PCDHGB1: variants seen among roughly 807,000 people sequenced by gnomAD.
PCDHGB1 encodes protocadherin gamma-B1.
A neutral mutation model predicts 56.6 loss-of-function variants in PCDHGB1; 34 were observed. That is an observed-to-expected ratio of 0.60 (90% CI 0.46 to 0.80). The LOEUF is 0.80. Among genes scored for constraint, PCDHGB1 ranks in the 30% least tolerant of loss-of-function variants. The pLI is 0.00. For synonymous variants in PCDHGB1, 561 were observed against 505.9 expected (o/e 1.11, Z -1.46); for missense variants, 1,278 against 1,204.6 (o/e 1.06, Z -0.90).
Position 141,431,336 on chromosome 5 carries a change from G to C in PCDHGB1, c.2410-63471G>C, listed in dbSNP as rs1187672228. ...TGGAGCCGACGGTAGTAAGTACCCC[G>C]AATTGGTGCTGAAACGCGCCCTGGA... On this transcript the variant is annotated intron_variant, in intron 1 of 3. Transcript: ENST00000523390. The surrounding 1 kb of genome is among the most constrained non-coding windows in gnomAD (Gnocchi z 4.8). 2.5e-6 allele frequency: 4 copies of C among 1,613,956 alleles called. No individual in the cohort carries two copies. The East Asian group carries it at 6.7e-5, about 27-fold the overall frequency.
chr5:141,422,165 A>G (rs771382434), intron 1 of PCDHGB1: 3 of 1,569,306 alleles, frequency 1.9e-6, no homozygotes, highest in Admixed American at 4.0e-5. Flanking sequence ...TTTGAAAAAT[A>G]TAGATTCTAT....
At chr5:141,427,812 G>C (rs1380721111) in intron 1 of PCDHGB1, 1 of 1,524,406 alleles carries the variant, frequency 6.6e-7, no homozygotes, top group Non-Finnish European at 9.0e-7. Flanking sequence ...CGCACAGAGC[G>C]GGGTGGTGGT....
intron 1 of PCDHGB1, chr5:141,372,058 G>A (rs769464516): frequency 6.2e-7 from 1 of 1,613,554 alleles, no homozygotes; most frequent in South Asian, 1.1e-5. Flanking sequence ...GTGGACGACC[G>A]CAACGACAAT....
At chr5:141,421,512 G>A in intron 1 of PCDHGB1, 1 of 1,614,094 alleles carries the variant, frequency 6.2e-7, no homozygotes, top group Non-Finnish European at 8.5e-7. Flanking sequence ...ACCGGGAGGA[G>A]CTCTGTGAGA....
intron 1 of PCDHGB1, among the ~76,000 whole-genome samples, chr5:141,466,670 G>A (rs994949602): frequency 9.2e-5 from 14 of 152,046 alleles, no homozygotes; most frequent in African/African-American, 2.2e-4. Flanking sequence ...TGATTTCACC[G>A]TTCTTCCACT....
At chr5:141,412,198 G>T (rs1248911071) in intron 1 of PCDHGB1, 1 of 152,180 alleles carries the variant, frequency 6.6e-6, no homozygotes, top group African/African-American at 2.4e-5. Flanking sequence ...ATGAAAACAG[G>T]TCATTTGACA....
intron 1 of PCDHGB1, among the ~76,000 whole-genome samples, chr5:141,363,225 C>A (rs1260243395): frequency 2.0e-5 from 3 of 152,330 alleles, no homozygotes; most frequent in African/African-American, 7.2e-5. Context: ...ATCTTACAAC[C>A]TATGTTCACA....
In PCDHGB1 at chr5:141,485,233, C is replaced by T; in HGVS notation, c.2410-9574C>T. 1.2e-6 allele frequency: 2 copies of T among 1,614,182 alleles called. No individual in the cohort carries two copies. The highest frequency in any genetic ancestry group is 1.7e-6 in the Non-Finnish European group (2 of 1,180,030). ...GGCGGTGGGCTACCCTTTTGTTCCTCTTTTACCACCTGGGTTACGTTTGTG... is the reference window on the plus strand; with the variant it reads ...GGCGGTGGGCTACCCTTTTGTTCCTTTTTTACCACCTGGGTTACGTTTGTG... On this transcript the variant is annotated intron_variant, in intron 1 of 3. Transcript: ENST00000523390. This position sits in a 1 kb window ranked among gnomAD's most constrained non-coding sequence, Gnocchi z 5.7.
At chr5:141,360,818 T>C (rs375213182) in intron 1 of PCDHGB1, 1 of 1,613,810 alleles carries the variant, frequency 6.2e-7, no homozygotes, top group African/African-American at 1.3e-5. Flanking sequence ...ACGACCCAAA[T>C]CCGAATCAAA....
rs775331499 is a variant in PCDHGB1 at position 141,422,779 on chromosome 5, C to T, written c.2409+70110C>T. The T allele has an allele frequency of 8.7e-6, 14 of 1,614,070 alleles. No homozygotes were observed. In the East Asian group the frequency reaches 2.9e-4, roughly 33 times the overall value. ...CTCCAACACTGGTGTTCTCTATGCC[C>T]TACAATCCTTCGACTATGAGCAGTT... On this transcript the variant is annotated intron_variant, in intron 1 of 3. Transcript: ENST00000523390.
intron 1 of PCDHGB1, chr5:141,478,885 A>G (rs2099483148): frequency 8.4e-7 from 1 of 1,193,320 alleles, no homozygotes; most frequent in East Asian, 2.6e-5. Flanking sequence ...GCTTGGTATC[A>G]TTTACATTAG....
At chr5:141,409,979 G>T in intron 1 of PCDHGB1, 1 of 1,613,348 alleles carries the variant, frequency 6.2e-7, no homozygotes, top group Non-Finnish European at 8.5e-7. Flanking sequence ...TAAGGTGGTA[G>T]CGGTGGACGC....
intron 1 of PCDHGB1, chr5:141,355,783 G>C: frequency 6.2e-7 from 1 of 1,613,802 alleles, no homozygotes; most frequent in Non-Finnish European, 8.5e-7. Context: ...CCCAGAGCTG[G>C]TGCTGGAACG....
At chr5:141,497,878 C>T (rs553853040) in intron 2 of PCDHGB1, among the ~76,000 whole-genome samples, 32 of 152,256 alleles carry the variant, frequency 2.1e-4, no homozygotes, top group Non-Finnish European at 3.5e-4. Flanking sequence ...GTGAAATAAG[C>T]GTTAGGATCT....
At chr5:141,399,952 G>A in intron 1 of PCDHGB1, 1 of 1,612,186 alleles carries the variant, frequency 6.2e-7, no homozygotes, top group Non-Finnish European at 8.5e-7. Flanking sequence ...GCAGGCTAGC[G>A]AGCCCGGGCT....
chr5:141,494,234 A>G (rs1299510042), intron 1 of PCDHGB1, among the ~76,000 whole-genome samples: 1 of 152,138 alleles, frequency 6.6e-6, no homozygotes, highest in Non-Finnish European at 1.5e-5. Context: ...CTAAATTAAT[A>G]ATGTATTTAG....
In PCDHGB1 at chr5:141,489,637, T is replaced by G. The variant is rs1230531256; in HGVS notation, c.2410-5170T>G. The G allele has an allele frequency of 6.2e-6, 10 of 1,614,032 alleles. No homozygotes were observed. The highest frequency in any genetic ancestry group is 2.7e-5 in the African/African-American group (2 of 74,914). On this transcript the variant is annotated intron_variant, in intron 1 of 3. Transcript: ENST00000523390. The surrounding 1 kb of genome is among the most constrained non-coding windows in gnomAD (Gnocchi z 4.5). The stretch of plus-strand genomic sequence containing the variant: ...GGATCTCAATGACAACTCTCCTAGC[T>G]TTGCCACCCCTGAGCGAGAGATGCG...
Position 141,501,290 on chromosome 5 carries a change from TACACACACACACAC to T in PCDHGB1, c.2469-4072_2469-4059del, listed in dbSNP as rs55762287. ...GTCCAGTCTATGGGATATTCCCTTA[TACACACACACACAC>T]ACACACACACACACACACACACACA... On this transcript the variant is annotated intron_variant, in intron 2 of 3. Transcript: ENST00000523390. Among the ~76,000 whole-genome samples, 10 of 136,248 alleles carry T rather than the reference TACACACACACACAC, an allele frequency of 7.3e-5. No homozygotes were observed. In the South Asian group the frequency reaches 1.2e-3, roughly 16 times the overall value. 89.4% of individuals were successfully genotyped at this position (136,248 alleles called of 152,430 possible).
rs762413220 is a variant in PCDHGB1 at position 141,403,196 on chromosome 5, G to T, written c.2409+50527G>T. 1.9e-6 allele frequency: 3 copies of T among 1,613,986 alleles called. No individual in the cohort carries two copies. The South Asian group carries it at 3.3e-5, about 18-fold the overall frequency. ...GCTTTTCTCTCTGAACCCGCGCAGC[G>T]GCACCTTGGTCACCGCGGGTAGGAT... is the stretch of plus-strand genomic sequence containing the variant. On this transcript the variant is annotated intron_variant, in intron 1 of 3. Transcript: ENST00000523390.
Sources: gnomAD v4.1 joint callset for allele counts (sites outside exome capture counted in the v4.1 genomes callset) on GRCh38, gnomAD v4.1.1 for gene constraint, Gnocchi (gnomAD v3.1) non-coding constraint, MANE v1.5 for transcripts, NCBI Gene and HGNC (gene_info 2026-07-23, HGNC 2026-07-21) for gene names.